Variants in ZNF444 observed in about 807,000 individuals in gnomAD.
The protein encoded by ZNF444 is zinc finger protein 444, also known as endothelial zinc finger protein 2.
A neutral mutation model predicts 14.4 loss-of-function variants in ZNF444; 8 were observed. The observed-to-expected ratio is 0.56, with a 90% CI of 0.33 to 1.00. The LOEUF is 1.00. ZNF444 is among the 50% of genes least tolerant of loss of function. The pLI is 0.03. For missense variants in ZNF444, 510 were observed against 504.8 expected (o/e 1.01, Z -0.10); for synonymous variants, 258 against 235.9 (o/e 1.09, Z -0.86).
At position 56,145,785 on chromosome 19, in the gene ZNF444, G is replaced by A. The variant is rs10420090; in HGVS notation, c.-196-462G>A. Among the ~76,000 whole-genome samples, 20 of 152,276 alleles carry A rather than the reference G, an allele frequency of 1.3e-4. No individual in the cohort carries two copies. The highest frequency in any genetic ancestry group is 3.6e-4 in the African/African-American group (15 of 41,554). On this transcript the variant is annotated intron_variant, in intron 1 of 4. Coordinates refer to ENST00000337080, the MANE Select transcript of ZNF444 (RefSeq NM_018337.4). The surrounding 1 kb of genome is among the most constrained non-coding windows in gnomAD (Gnocchi z 4.3). ...GTCATAGCTGTCATAGCGGAGCACC[G>A]TGGACTGAACTGCTATGAGCTTATT...
At chr19:56,137,859 C>T (rs538195951), upstream of ZNF444, among the ~76,000 whole-genome samples, 9 of 152,262 alleles carry the variant, frequency 5.9e-5, no homozygotes, top group African/African-American at 1.9e-4. Flanking sequence ...CGGTGGCTCA[C>T]GCCTGTAATC....
intron 3 of ZNF444, among the ~76,000 whole-genome samples, chr19:56,152,387 C>T (rs904000421): frequency 1.3e-5 from 2 of 149,424 alleles, no homozygotes; most frequent in Non-Finnish European, 3.0e-5. Flanking sequence ...TTTGAAGTTG[C>T]GGTTATGAGG....
At chr19:56,136,136 T>C (rs1253975660) in intron 1 of ZNF444, among the ~76,000 whole-genome samples, 1 of 144,064 alleles carries the variant, frequency 6.9e-6, no homozygotes, top group African/African-American at 2.6e-5. Flanking sequence ...TATTGGGCCC[T>C]TGGGCCCTTA....
upstream of ZNF444, among the ~76,000 whole-genome samples, chr19:56,138,429 C>T (rs985017659): frequency 3.3e-5 from 5 of 151,910 alleles, no homozygotes; most frequent in African/African-American, 9.7e-5. Flanking sequence ...GAGTTTAAAC[C>T]CAGCCTGGGT....
chr19:56,155,831 A>G (rs1468633009), intron 3 of ZNF444: 4 of 152,218 alleles, frequency 2.6e-5, no homozygotes, highest in Non-Finnish European at 4.4e-5. Flanking sequence ...CGAACAAGCA[A>G]TCAACTCTGC....
rs189092092 is a variant in ZNF444, at chr19:56,134,629, G to A, written c.-197+1851G>A. Among the ~76,000 whole-genome samples, 128 of 152,244 alleles carry A rather than the reference G, an allele frequency of 8.4e-4. 1 individual carries two copies. Among genetic ancestry groups the A allele is most frequent in the African/African-American group, 3.0e-3 (123 of 41,536 alleles). ...GTATTATATGATGTTACCAGATGAA[G>A]AAGTGGAGGAAGGACATTTCCAGGA... is the stretch of plus-strand genomic sequence containing the variant. On this transcript the variant is annotated intron_variant, in intron 1 of 2. Coordinates refer to the ZNF444 transcript ENST00000587467.
chr19:56,159,822 C>G lies in ZNF444; in HGVS notation c.605C>G (p.Ser202Trp). 1.9e-6 allele frequency: 3 copies of G among 1,576,488 alleles called. No homozygotes were observed. In the South Asian group the frequency reaches 3.4e-5, roughly 18 times the overall value. ...CTGCTGCGCCACCGGCAGAGCCACT[C>G]GGGCGAGAAGCCGCACGCCTGCCCT... ...AHLLRHRQSH[S>W]GEKPHACPEC... The change falls in exon 5 of 5, where the codon TCG (serine) becomes TGG (tryptophan). Residue 202 changes from serine (S) to tryptophan (W), a missense_variant. Physicochemically the swap from Ser to Trp is radical, Grantham distance 177 (BLOSUM62 -3). Coordinates refer to ENST00000337080, the MANE Select transcript of ZNF444 (RefSeq NM_018337.4).
At chr19:56,139,310 G>A (rs570016827), upstream of ZNF444, among the ~76,000 whole-genome samples, 2 of 152,226 alleles carry the variant, frequency 1.3e-5, no homozygotes, top group Admixed American at 6.6e-5. Context: ...AGCCATAGAC[G>A]GGAGAGCTGT....
At chr19:56,146,041 G>T (rs2031160166) in intron 1 of ZNF444, 1 of 152,270 alleles carries the variant, frequency 6.6e-6, no homozygotes, top group South Asian at 2.1e-4. Context: ...GGTCACACTG[G>T]GGTGAGAGCT....
rs2030776779 is a variant in ZNF444 at position 56,141,289 on chromosome 19, TC to T, written c.-262del. 1.4e-5 allele frequency: 1 copy of T among 70,720 alleles called. No individual in the cohort carries two copies. Among genetic ancestry groups the T allele is most frequent in the Non-Finnish European group, 2.6e-5 (1 of 38,540 alleles). The allele number at this position is 70,720 out of a possible 1,614,324, so 4.4% of individuals were successfully genotyped here. ...GCGCAAAGCCTGCTGGGGCATGGAG[TC>T]CCGGCGAGCTTTGTGCGCATGTGCG... On this transcript the variant is annotated 5_prime_UTR_variant, in exon 1 of 5. Coordinates refer to ENST00000337080, the MANE Select transcript of ZNF444 (RefSeq NM_018337.4).
In ZNF444 at chr19:56,144,680, C is replaced by G. The variant is rs2031057112; in HGVS notation, c.-196-1567C>G. Among the ~76,000 whole-genome samples the G allele has an allele frequency of 6.6e-6, 1 of 152,210 alleles. No homozygotes were observed. The highest frequency in any genetic ancestry group is 2.1e-4 in the South Asian group (1 of 4,826). Reference sequence around the variant, plus strand: ...TGAACACAGACTTCCTCTCAGACCTCACCGGCTAGAAGCAGATTATGTGCC... The same window carrying G: ...TGAACACAGACTTCCTCTCAGACCTGACCGGCTAGAAGCAGATTATGTGCC... On this transcript the variant is annotated intron_variant, in intron 1 of 4. Coordinates refer to ENST00000337080, the MANE Select transcript of ZNF444 (RefSeq NM_018337.4). The surrounding 1 kb of genome is among the most constrained non-coding windows in gnomAD (Gnocchi z 4.0).
rs554571937 is a variant in ZNF444 at position 56,145,583 on chromosome 19, C to T, written c.-196-664C>T. 6.6e-6 allele frequency among the ~76,000 whole-genome samples: 1 copy of T among 150,676 alleles called. No individual in the cohort carries two copies. The highest frequency in any genetic ancestry group is 1.9e-4 in the East Asian group (1 of 5,160). On this transcript the variant is annotated intron_variant, in intron 1 of 4. Coordinates refer to ENST00000337080, the MANE Select transcript of ZNF444 (RefSeq NM_018337.4). The surrounding 1 kb of genome is among the most constrained non-coding windows in gnomAD (Gnocchi z 4.3). ...CCTGGGCAACAGAGCGAGACTCCAT[C>T]TCAAAACAAAAATTAAAAAAAAAAA...
At chr19:56,134,717 G>A (rs1487610119) in intron 1 of ZNF444, among the ~76,000 whole-genome samples, 1 of 151,918 alleles carries the variant, frequency 6.6e-6, no homozygotes, top group African/African-American at 2.4e-5. Flanking sequence ...ATTAGGACCT[G>A]TCCTAAACGC....
In ZNF444 at chr19:56,160,308, T is replaced by G. The variant is rs2032214975; in HGVS notation, c.*107T>G. ...TTCCTCTCCTCCTTCCCTCCCATCGTCCTCCTCCACCTGCGCCTCCCTTGT... is the reference window on the plus strand; with the variant it reads ...TTCCTCTCCTCCTTCCCTCCCATCGGCCTCCTCCACCTGCGCCTCCCTTGT... On this transcript the variant is annotated 3_prime_UTR_variant, in exon 5 of 5. Transcript: ENST00000337080. The G allele has an allele frequency of 1.1e-6, 1 of 907,842 alleles. No homozygotes were observed. The highest frequency in any genetic ancestry group is 4.1e-5 in the Admixed American group (1 of 24,422). The allele number at this position is 907,842 out of a possible 1,614,324, so 56.2% of individuals were successfully genotyped here.
intron 3 of ZNF444, among the ~76,000 whole-genome samples, chr19:56,148,431 CAG>C (rs779111597): frequency 6.6e-6 from 1 of 152,016 alleles, no homozygotes; most frequent in Non-Finnish European, 1.5e-5. Flanking sequence ...GATGTAGCAG[CAG>C]AGAGGGGGCA....
intron 3 of ZNF444, among the ~76,000 whole-genome samples, chr19:56,152,208 T>C (rs1446645104): frequency 6.6e-6 from 1 of 151,986 alleles, no homozygotes; most frequent in Non-Finnish European, 1.5e-5. Context: ...GGCACATGCC[T>C]GTAATCCCAG....
At chr19:56,148,686 C>T (rs927418028) in intron 3 of ZNF444, among the ~76,000 whole-genome samples, 13 of 152,276 alleles carry the variant, frequency 8.5e-5, no homozygotes, top group South Asian at 2.1e-4. Context: ...GCCCTCCTTC[C>T]GGGTCATTGT....
upstream of ZNF444, among the ~76,000 whole-genome samples, chr19:56,139,910 A>C: frequency 6.6e-6 from 1 of 152,134 alleles, no homozygotes; most frequent in East Asian, 1.9e-4. Flanking sequence ...ATCCAAGAGG[A>C]GATGTCAAGT....
chr19:56,134,514 C>T (rs144315278), intron 1 of ZNF444, among the ~76,000 whole-genome samples: 8 of 152,260 alleles, frequency 5.3e-5, no homozygotes, highest in Middle Eastern at 3.4e-3. Context: ...GGGGGCTCTG[C>T]GGAAGCTCCA....
Sources: allele counts gnomAD v4.1 joint callset (sites outside exome capture counted in the v4.1 genomes callset), GRCh38; gene constraint gnomAD v4.1.1; non-coding constraint Gnocchi (gnomAD v3.1); transcripts MANE v1.5; gene names NCBI Gene and HGNC (gene_info 2026-07-23, HGNC 2026-07-21).